The following AGL variants were observed in gnomAD, a reference collection of about 807,000 sequenced individuals.
The protein encoded by AGL is glycogen debranching enzyme.
In AGL, 128 loss-of-function variants were observed where a neutral mutation model predicts 199.3. That is an observed-to-expected ratio of 0.64 (90% CI 0.56 to 0.74). AGL has a LOEUF of 0.74. AGL is among the 30% of genes least tolerant of loss of function. AGL has a pLI of 0.00. For synonymous variants in AGL, 584 were observed against 594.7 expected (o/e 0.98, Z 0.26); for missense variants, 1,809 against 1,820.8 (o/e 0.99, Z 0.12).
At chr1:99,889,374 T>C (rs1212586708) in intron 21 of AGL, among the ~76,000 whole-genome samples, 1 of 152,202 alleles carries the variant, frequency 6.6e-6, no homozygotes, top group African/African-American at 2.4e-5. Flanking sequence ...TTTTCTAAAA[T>C]ATTCTCATTT....
intron 20 of AGL, among the ~76,000 whole-genome samples, chr1:99,886,030 G>A (rs1652424115): frequency 6.6e-6 from 1 of 152,118 alleles, no homozygotes; most frequent in African/African-American, 2.4e-5. Flanking sequence ...TCTCCAGAAA[G>A]ATTATAATAA....
intron 33 of AGL, among the ~76,000 whole-genome samples, chr1:99,921,259 T>C (rs1655492012): frequency 6.6e-6 from 1 of 152,206 alleles, no homozygotes; most frequent in African/African-American, 2.4e-5. Context: ...TATTTATCTC[T>C]ATGTTTATAT....
intron 27 of AGL, among the ~76,000 whole-genome samples, chr1:99,903,569 T>G (rs1021074162): frequency 6.6e-6 from 1 of 152,232 alleles, no homozygotes; most frequent in Non-Finnish European, 1.5e-5. Flanking sequence ...AAGTCTTTGC[T>G]ATTGTGAATA....
chr1:99,857,065 G>C (rs888113173), intron 2 of AGL, among the ~76,000 whole-genome samples: 1 of 151,164 alleles, frequency 6.6e-6, no homozygotes, highest in Non-Finnish European at 1.5e-5. Flanking sequence ...GGCCGGGCAG[G>C]GGGCTGACCC....
chr1:99,871,185 T>C (rs1650972489), intron 7 of AGL, among the ~76,000 whole-genome samples: 1 of 152,192 alleles, frequency 6.6e-6, no homozygotes, highest in Non-Finnish European at 1.5e-5. Context: ...GAACAGGTTA[T>C]TTCAGCTGAG....
intron 17 of AGL, among the ~76,000 whole-genome samples, chr1:99,882,177 A>T (rs1652094055): frequency 6.6e-6 from 1 of 151,602 alleles, no homozygotes; most frequent in Non-Finnish European, 1.5e-5. Context: ...TTGGCAACTT[A>T]TATTTTTACT....
intron 2 of AGL, among the ~76,000 whole-genome samples, chr1:99,854,472 A>G (rs1351962154): frequency 6.6e-6 from 1 of 152,206 alleles, no homozygotes; most frequent in Non-Finnish European, 1.5e-5. Context: ...GTTTTAGAAG[A>G]TAATTTGAAG....
At chr1:99,866,076 T>G (rs985861843) in intron 5 of AGL, among the ~76,000 whole-genome samples, 5 of 152,144 alleles carry the variant, frequency 3.3e-5, no homozygotes, top group African/African-American at 9.7e-5. Flanking sequence ...GAAACCAGCC[T>G]TGGCAACATA....
intron 12 of AGL, 37 bp from the exon 13 acceptor site, chr1:99,879,886 C>G (rs201583938): frequency 1.3e-6 from 2 of 1,545,442 alleles, no homozygotes; most frequent in East Asian, 2.3e-5. Flanking sequence ...CTTTCTGTTA[C>G]ATTTATTTGT....
chr1:99,870,908 G>C (rs1438510935), intron 7 of AGL, 39 bp downstream of exon 7: 1 of 1,240,394 alleles, frequency 8.1e-7, no homozygotes, highest in Non-Finnish European at 1.2e-6. Context: ...TCGATTTTAA[G>C]AAATGTAATA....
Position 99,870,747 on chromosome 1 carries a change from A to T in AGL, c.847-11A>T. 2 of 1,546,338 alleles carry T rather than the reference A, an allele frequency of 1.3e-6. No homozygotes were observed. Among genetic ancestry groups the T allele is most frequent in the South Asian group, 2.2e-5 (2 of 89,440 alleles). ...GTATATATGTATTTTTTAACTATTG[A>T]CATTTTTCAGTCCATCCGAAAAATA... is the stretch of plus-strand genomic sequence containing the variant. On this transcript the variant is annotated splice_polypyrimidine_tract_variant and intron_variant, in intron 6 of 33. Transcript: ENST00000361915.
Position 99,880,708 on chromosome 1 carries a change from T to C in AGL, c.1812T>C (p.Phe604=). 6.2e-7 allele frequency: 1 copy of C among 1,614,084 alleles called. No homozygotes were observed. Among genetic ancestry groups the C allele is most frequent in the Non-Finnish European group, 8.5e-7 (1 of 1,179,956 alleles). ...YRYGGEPVGS[F]VQPCLRPLMP... ...ATGGAGGAGAACCTGTTGGATCCTTTGTTCAGCCCTGTTTGAGGCCTTTAA... is the reference window on the plus strand; with the variant it reads ...ATGGAGGAGAACCTGTTGGATCCTTCGTTCAGCCCTGTTTGAGGCCTTTAA... Residue 604 remains phenylalanine (F), a synonymous_variant, in exon 14 of 34, where the codon TTT becomes TTC. Coordinates refer to ENST00000361915, the MANE Select transcript of AGL (RefSeq NM_000642.3).
rs1321051431 is a variant in AGL, at chr1:99,887,930, A to C, written c.2682-48A>C. On this transcript the variant is annotated intron_variant, in intron 20 of 33. Coordinates refer to ENST00000361915, the MANE Select transcript of AGL (RefSeq NM_000642.3). ...ATTTTCTTCTTTTGTTTCTATTGAC[A>C]ACAAGCGAAACTTCAATATATGGTT... 1.9e-6 allele frequency: 3 copies of C among 1,604,730 alleles called. No homozygotes were observed. In the African/African-American group the frequency reaches 4.0e-5, roughly 21 times the overall value.
chr1:99,873,059 CTT>C (rs1651160616), intron 7 of AGL, among the ~76,000 whole-genome samples: 2 of 151,948 alleles, frequency 1.3e-5, no homozygotes. Context: ...TGTAGTCAAA[CTT>C]TTCAATCTCT....
At chr1:99,907,693 G>GTTTTTGTTTTTTTTTTTTTTTTTTTTT (rs1553191714) in intron 27 of AGL, among the ~76,000 whole-genome samples, 1 of 118,942 alleles carries the variant, frequency 8.4e-6, no homozygotes, top group Non-Finnish European at 1.8e-5. Context: ...TTTGTTTTTT[G>GTTTTTGTTTTTTTTTTTTTTTTTTTTT]TTTTTTTTGC....
At chr1:99,902,614 G>A in intron 26 of AGL, 69 bp from the exon 27 acceptor site, 1 of 1,233,478 alleles carries the variant, frequency 8.1e-7, no homozygotes, top group Non-Finnish European at 1.2e-6. Flanking sequence ...TACTTCAGTT[G>A]TCGGATTTGG....
Position 99,921,822 on chromosome 1 carries a change from G to A in AGL, c.*171G>A. ...CATTGATTTTTTTTAATGTACAGAG[G>A]TAGATTTCAATTTGAATCAGAAAGA... On this transcript the variant is annotated 3_prime_UTR_variant, in exon 34 of 34. Transcript: ENST00000361915. 1 of 442,194 alleles carries A rather than the reference G, an allele frequency of 2.3e-6. No homozygotes were observed. The highest frequency in any genetic ancestry group is 4.0e-6 in the Non-Finnish European group (1 of 250,706). The allele number at this position is 442,194 out of a possible 1,614,324, so 27.4% of individuals were successfully genotyped here.
chr1:99,880,549 G>T, intron 13 of AGL, 83 bp from the exon 14 acceptor site: 3 of 1,452,728 alleles, frequency 2.1e-6, no homozygotes, highest in South Asian at 1.2e-5. Flanking sequence ...TCTTTATTTT[G>T]AAAATCATTT....
At chr1:99,903,092 C>A (rs944860998) in intron 27 of AGL, among the ~76,000 whole-genome samples, 2 of 152,100 alleles carry the variant, frequency 1.3e-5, no homozygotes, top group African/African-American at 4.8e-5. Context: ...ATATTATTAC[C>A]ATTTAACACT....
Sources: gnomAD v4.1 joint callset for allele counts (sites outside exome capture counted in the v4.1 genomes callset) on GRCh38, gnomAD v4.1.1 for gene constraint, MANE v1.5 for transcripts, NCBI Gene and HGNC (gene_info 2026-07-23, HGNC 2026-07-21) for gene names.